CTBP2: variants seen among roughly 807,000 people sequenced by gnomAD.
CTBP2 encodes the protein C-terminal binding protein 2.
Under a neutral mutation model 80.3 loss-of-function variants are expected in CTBP2, and 30 were observed. The ratio of observed to expected loss-of-function variants is 0.37; its 90% CI spans 0.28 to 0.51. The LOEUF (loss-of-function observed/expected upper bound fraction) is 0.51. Among genes scored for constraint, CTBP2 ranks in the 20% least tolerant of loss-of-function variants. The pLI, the probability that CTBP2 is intolerant of heterozygous loss-of-function variation, is 0.93. For synonymous variants in CTBP2, 594 were observed against 587.4 expected (o/e 1.01, Z -0.16); for missense variants, 1,212 against 1,375.3 (o/e 0.88, Z 1.88).
chr10:125,074,807 T>C (rs563463961), intron 2 of CTBP2, among the ~76,000 whole-genome samples: 1 of 152,308 alleles, frequency 6.6e-6, no homozygotes, highest in African/African-American at 2.4e-5. Flanking sequence ...ACCCCACACA[T>C]CACTCAGGGC....
chr10:125,161,067 TGG>T (rs574348922), upstream of CTBP2: 28,758 of 107,982 alleles, frequency 0.27, 3,352 homozygotes, highest in African/African-American at 0.34. Context: ...CTCCTGTTTT[TGG>T]GGGGGGGGGG....
At chr10:125,120,058 G>C (rs916829265) in intron 1 of CTBP2, among the ~76,000 whole-genome samples, 1 of 152,256 alleles carries the variant, frequency 6.6e-6, no homozygotes, top group African/African-American at 2.4e-5. Flanking sequence ...TTTCAATGCA[G>C]ATGTCTCAAT....
Position 124,988,197 on chromosome 10 carries a change from T to C in CTBP2, c.*1321A>G, listed in dbSNP as rs1952127144. On this transcript the variant is annotated 3_prime_UTR_variant, in exon 9 of 9. Transcript: ENST00000309035. ...TTTTGTTATCACAGGTAATTAATTG[T>C]CAGCGGTCTTGAGTCTGGTTATGGA... 6.6e-6 allele frequency: 1 copy of C among 152,656 alleles called. No homozygotes were observed. The highest frequency in any genetic ancestry group is 1.5e-5 in the Non-Finnish European group (1 of 68,040). 9.5% of individuals were successfully genotyped at this position (152,656 alleles called of 1,614,324 possible). A position where few individuals can be genotyped will look rare whatever the true frequency, so the allele number is the denominator to read the frequency against.
chr10:125,006,785 C>T (rs903323132), intron 1 of CTBP2, among the ~76,000 whole-genome samples: 29 of 152,222 alleles, frequency 1.9e-4, no homozygotes, highest in African/African-American at 7.0e-4. Flanking sequence ...GGTCCCCAGG[C>T]CCAGTGGGGC....
At chr10:125,078,937 A>C (rs951478837) in intron 2 of CTBP2, among the ~76,000 whole-genome samples, 23 of 151,540 alleles carry the variant, frequency 1.5e-4, no homozygotes, top group Middle Eastern at 6.8e-3. Flanking sequence ...TCAGGAGTTC[A>C]AGACCAGCCT....
Position 125,152,299 on chromosome 10 carries a change from C to G in CTBP2, c.-206+8020G>C, listed in dbSNP as rs547594702. Among the ~76,000 whole-genome samples the G allele has an allele frequency of 6.9e-4, 105 of 152,292 alleles. 1 individual carries two copies. Among genetic ancestry groups the G allele is most frequent in the African/African-American group, 2.5e-3 (102 of 41,570 alleles). ...CTTGCAGCAGGGTGGGGCACCCCCG[C>G]GGTCCGGGAAATGCAGGAGACCCCG... On this transcript the variant is annotated intron_variant, in intron 1 of 10. Coordinates refer to the CTBP2 transcript ENST00000337195.
chr10:125,053,081 C>T lies in CTBP2; in HGVS notation c.-101-13926G>A, dbSNP rs568273383. Among the ~76,000 whole-genome samples the T allele has an allele frequency of 9.7e-4, 142 of 146,630 alleles. 1 individual carries two copies. Among genetic ancestry groups the T allele is most frequent in the Non-Finnish European group, 1.8e-3 (120 of 67,562 alleles). ...ACTTTAGGAGTACAAAAGGCTTATT[C>T]GAAGAGAGAGAAAAAAAAAGAAAAC... On this transcript the variant is annotated intron_variant, in intron 2 of 10. Transcript: ENST00000337195.
chr10:125,148,411 C>T (rs536782806), intron 1 of CTBP2, among the ~76,000 whole-genome samples: 2 of 152,186 alleles, frequency 1.3e-5, no homozygotes, highest in South Asian at 2.1e-4. Context: ...CTAACCACAG[C>T]GAACCCAGGC....
In CTBP2 at chr10:125,006,933, C is replaced by T. The variant is rs116492667; in HGVS notation, c.1679-3441G>A. Among the ~76,000 whole-genome samples the T allele has an allele frequency of 8.2e-3, 1,249 of 152,326 alleles. 19 individuals carry two copies. The highest frequency in any genetic ancestry group is 0.028 in the African/African-American group (1,178 of 41,570). On this transcript the variant is annotated intron_variant, in intron 1 of 8. Transcript: ENST00000309035. ...CGGCCTTTTCCATGCGTACAGACCA[C>T]AAGGCTGACAAGAGTCCTGCAGTGC...
At chr10:125,112,357 C>G (rs1418052027) in intron 1 of CTBP2, among the ~76,000 whole-genome samples, 5 of 151,772 alleles carry the variant, frequency 3.3e-5, no homozygotes, top group Non-Finnish European at 5.9e-5. Context: ...AAGTGATCCA[C>G]TGGCCTGGGC....
At chr10:125,113,408 T>C (rs1009130732) in intron 1 of CTBP2, among the ~76,000 whole-genome samples, 1 of 152,236 alleles carries the variant, frequency 6.6e-6, no homozygotes, top group African/African-American at 2.4e-5. Flanking sequence ...TTTTACTTAA[T>C]CACATTTTAT....
intron 2 of CTBP2, among the ~76,000 whole-genome samples, chr10:125,107,997 ATTAATGC>A (rs1851712932): frequency 6.6e-6 from 1 of 152,242 alleles, no homozygotes; most frequent in African/African-American, 2.4e-5. Context: ...TGCTGCAAAT[ATTAATGC>A]TTAACAACAA....
At chr10:125,077,633 C>T (rs1474937153) in intron 2 of CTBP2, among the ~76,000 whole-genome samples, 2 of 152,118 alleles carry the variant, frequency 1.3e-5, no homozygotes, top group East Asian at 1.9e-4. Context: ...GGATTACCAA[C>T]AAAAAGGGCT....
chr10:125,047,161 T>G (rs1320071356), intron 2 of CTBP2, among the ~76,000 whole-genome samples: 1 of 149,464 alleles, frequency 6.7e-6, no homozygotes. Context: ...TAATAAAGGT[T>G]AAGCAAAAAA....
chr10:125,091,154 C>T (rs1848704199), intron 2 of CTBP2, among the ~76,000 whole-genome samples: 1 of 152,208 alleles, frequency 6.6e-6, no homozygotes, highest in Admixed American at 6.5e-5. Context: ...TGGGTGTGCA[C>T]ACATGCCCAA....
At chr10:124,996,343 GGA>G (rs1256060730) in intron 4 of CTBP2, 1 of 152,172 alleles carries the variant, frequency 6.6e-6, no homozygotes, top group Admixed American at 6.5e-5. Flanking sequence ...TGGGCCTGGG[GGA>G]CTCTTGCTCA....
chr10:125,011,762 A>G (rs553455337), intron 1 of CTBP2, among the ~76,000 whole-genome samples: 6 of 152,224 alleles, frequency 3.9e-5, no homozygotes, highest in African/African-American at 7.2e-5. Flanking sequence ...GAACACAGGA[A>G]AGTGACAGCT....
intron 2 of CTBP2, 135 bp from the exon 3 acceptor site, chr10:125,039,290 A>C: frequency 2.3e-6 from 1 of 438,280 alleles, no homozygotes; most frequent in South Asian, 4.5e-5. Flanking sequence ...CTTTTCCCAA[A>C]GCACTGGGAA....
At chr10:125,105,132 C>G (rs967555545) in intron 2 of CTBP2, among the ~76,000 whole-genome samples, 6 of 152,008 alleles carry the variant, frequency 3.9e-5, no homozygotes, top group African/African-American at 1.5e-4. Context: ...TAGGCAGGCG[C>G]CGCCACCTGG....
Sources: gnomAD v4.1 joint callset for allele counts (sites outside exome capture counted in the v4.1 genomes callset) on GRCh38, gnomAD v4.1.1 for gene constraint, MANE v1.5 for transcripts, NCBI Gene and HGNC (gene_info 2026-07-23, HGNC 2026-07-21) for gene names.